The following PHACTR1 variants were observed in gnomAD, a reference collection of about 807,000 sequenced individuals.
PHACTR1 encodes the protein RPEL repeat containing 1.
Under a neutral mutation model 69.2 loss-of-function variants are expected in PHACTR1, and 16 were observed. The ratio of observed to expected loss-of-function variants is 0.23; its 90% CI spans 0.16 to 0.35. The LOEUF (loss-of-function observed/expected upper bound fraction) is 0.35, where lower values mean the gene tolerates loss of function less well. Ranked by LOEUF, PHACTR1 falls within the 10% of genes least tolerant of loss-of-function variation. PHACTR1 has a pLI of 1.00. For synonymous variants in PHACTR1, 312 were observed against 284.5 expected (o/e 1.10, Z -0.97); for missense variants, 510 against 734.7 (o/e 0.69, Z 3.54).
rs115687747 is a variant in PHACTR1 at position 13,220,461 on chromosome 6, C to T, written c.987-7355C>T. 4.6e-3 allele frequency among the ~76,000 whole-genome samples: 705 copies of T among 152,250 alleles called. 6 individuals carry two copies. The highest frequency in any genetic ancestry group is 0.016 in the African/African-American group (660 of 41,528). On this transcript the variant is annotated intron_variant, in intron 8 of 14. Coordinates refer to ENST00000332995, the MANE Select transcript of PHACTR1 (RefSeq NM_030948.6). ...ATATAGATCTCATCAAGCTTAATGA[C>T]GTCACCTTACAAAGCAGCCTAACTT...
At chr6:13,123,619 G>A (rs1184843077) in intron 5 of PHACTR1, among the ~76,000 whole-genome samples, 1 of 152,112 alleles carries the variant, frequency 6.6e-6, no homozygotes, top group Non-Finnish European at 1.5e-5. Context: ...AGGGTGGAGG[G>A]GTATAGTTGG....
chr6:12,820,889 C>G (rs893661621), intron 4 of PHACTR1, among the ~76,000 whole-genome samples: 69 of 152,266 alleles, frequency 4.5e-4, no homozygotes, highest in African/African-American at 1.5e-3. Flanking sequence ...ACCGAGCCCT[C>G]CAGGAAAGGA....
chr6:12,977,658 A>G (rs1795057886), intron 4 of PHACTR1, among the ~76,000 whole-genome samples: 2 of 152,238 alleles, frequency 1.3e-5, no homozygotes, highest in South Asian at 2.1e-4. Flanking sequence ...AAGTTAAATG[A>G]ACATGCCACT....
chr6:12,922,599 C>T (rs1401123548), intron 4 of PHACTR1, among the ~76,000 whole-genome samples: 2 of 152,200 alleles, frequency 1.3e-5, no homozygotes, highest in African/African-American at 4.8e-5. Context: ...ACATATATCT[C>T]CTAGCTGATT....
intron 10 of PHACTR1, among the ~76,000 whole-genome samples, chr6:13,257,108 G>T (rs1458872740): frequency 6.6e-6 from 1 of 152,152 alleles, no homozygotes; most frequent in Non-Finnish European, 1.5e-5. Flanking sequence ...CTGCTTCTGG[G>T]GAGTCCTCAG....
intron 5 of PHACTR1, among the ~76,000 whole-genome samples, chr6:13,140,001 AC>A (rs1315909748): frequency 6.6e-6 from 1 of 152,198 alleles, no homozygotes; most frequent in Non-Finnish European, 1.5e-5. Flanking sequence ...AGAAAGGGCA[AC>A]TTTTAAAAGT....
rs181933707 is a variant in PHACTR1 at position 13,151,201 on chromosome 6, A to G, written c.416-9003A>G. On this transcript the variant is annotated intron_variant, in intron 5 of 14. Transcript: ENST00000332995. ...ATTGCTTTTCCCCCTTCAACTTTCT[A>G]TTCCCTTCAGAATGTAATTTAAAGG... Among the ~76,000 whole-genome samples, 225 of 152,346 alleles carry G rather than the reference A, an allele frequency of 1.5e-3. 3 individuals are homozygous for G. Among genetic ancestry groups the G allele is most frequent in the East Asian group, 1.7e-3 (9 of 5,182 alleles).
At chr6:12,829,964 AAGAGAGAGAG>A (rs149861206) in intron 4 of PHACTR1, among the ~76,000 whole-genome samples, 32 of 99,944 alleles carry the variant, frequency 3.2e-4, no homozygotes, top group African/African-American at 1.3e-3. Context: ...TCAAGAAAGA[AAGAGAGAGAG>A]AGAGAGAGAG....
chr6:12,900,125 C>G (rs1253609737), intron 4 of PHACTR1, among the ~76,000 whole-genome samples: 1 of 152,218 alleles, frequency 6.6e-6, no homozygotes. Flanking sequence ...GCCTTCTGGT[C>G]TCCTTGCTTC....
intron 4 of PHACTR1, among the ~76,000 whole-genome samples, chr6:12,821,482 AAAG>A (rs1171507944): frequency 6.0e-4 from 36 of 59,776 alleles, no homozygotes; most frequent in Middle Eastern, 9.1e-3. Flanking sequence ...AAAAAAAAAA[AAAG>A]AGAGAGAGAG....
rs1399763871 is a variant in PHACTR1, at chr6:13,182,580, C to T, written c.558C>T (p.Ser186=). The change falls in exon 7 of 15, where the codon TCC becomes TCT. Residue 186 remains serine, a synonymous_variant. Transcript: ENST00000332995. ...DSLENGQSLS[S]SQLSLPALSE... ...TAGAAAATGGGCAGTCCCTGAGCTCCAGCCAGCTGTCTCTGCCTGCCCTGT... is the reference window on the plus strand; with the variant it reads ...TAGAAAATGGGCAGTCCCTGAGCTCTAGCCAGCTGTCTCTGCCTGCCCTGT... 1.2e-6 allele frequency: 2 copies of T among 1,613,782 alleles called. No homozygotes were observed. Among genetic ancestry groups the T allele is most frequent in the Non-Finnish European group, 1.7e-6 (2 of 1,179,766 alleles).
At chr6:13,199,565 C>T (rs1764921904) in intron 7 of PHACTR1, among the ~76,000 whole-genome samples, 1 of 151,888 alleles carries the variant, frequency 6.6e-6, no homozygotes, top group Admixed American at 6.6e-5. Flanking sequence ...TTACAGAGTG[C>T]ACATAGGGTA....
At chr6:12,975,722 T>C (rs1001011022) in intron 4 of PHACTR1, among the ~76,000 whole-genome samples, 34 of 152,232 alleles carry the variant, frequency 2.2e-4, no homozygotes, top group African/African-American at 7.9e-4. Flanking sequence ...GCTGGGACTA[T>C]AAGAACACAC....
rs58847683 is a variant in PHACTR1, at chr6:13,284,517, C to CAAAAAAA, written c.1650+976_1650+982dup. On this transcript the variant is annotated intron_variant, in intron 13 of 14. Coordinates refer to ENST00000332995, the MANE Select transcript of PHACTR1 (RefSeq NM_030948.6). ...GGATGACAACAGTGAAACTCCATCT[C>CAAAAAAA]AAAAAAAAAAAAAAAAAAAAAAAAA... Among the ~76,000 whole-genome samples the CAAAAAAA allele has an allele frequency of 8.0e-4, 32 of 40,026 alleles. 2 individuals are homozygous for CAAAAAAA. Among genetic ancestry groups the CAAAAAAA allele is most frequent in the African/African-American group, 1.2e-3 (7 of 5,756 alleles). 26.3% of individuals were successfully genotyped at this position (40,026 alleles called of 152,430 possible). A position where few individuals can be genotyped will look rare whatever the true frequency, so the allele number is the denominator to read the frequency against.
At chr6:13,109,725 T>G (rs190428148) in intron 5 of PHACTR1, among the ~76,000 whole-genome samples, 48 of 152,234 alleles carry the variant, frequency 3.2e-4, no homozygotes, top group African/African-American at 1.1e-3. Flanking sequence ...TTACAAAAGT[T>G]TTCTGTTCCT....
chr6:13,129,082 CT>C (rs1336614875), intron 5 of PHACTR1, among the ~76,000 whole-genome samples: 3 of 152,024 alleles, frequency 2.0e-5, no homozygotes, highest in Admixed American at 1.3e-4. Context: ...GAGATAAAGC[CT>C]TTTTTCAGAC....
chr6:13,272,665 G>GACGC (rs1777998416), intron 10 of PHACTR1, 195 bp from the exon 11 acceptor site: 1 of 1,479,394 alleles, frequency 6.8e-7, no homozygotes, highest in African/African-American at 1.4e-5. Context: ...GCTGTGACAT[G>GACGC]ACGCACGTGC....
chr6:13,279,221 A>G (rs1295946165), intron 12 of PHACTR1: 1 of 152,226 alleles, frequency 6.6e-6, no homozygotes, highest in Non-Finnish European at 1.5e-5. Flanking sequence ...TTGGCAATGC[A>G]CTGTAGCCTC....
At chr6:13,161,942 G>C (rs1441777348) in intron 6 of PHACTR1, among the ~76,000 whole-genome samples, 2 of 152,170 alleles carry the variant, frequency 1.3e-5, no homozygotes, top group Non-Finnish European at 2.9e-5. Flanking sequence ...CAAGCCCTAT[G>C]GTAAGCCAGC....
Sources: allele counts gnomAD v4.1 joint callset (sites outside exome capture counted in the v4.1 genomes callset), GRCh38; gene constraint gnomAD v4.1.1; transcripts MANE v1.5; gene names NCBI Gene and HGNC (gene_info 2026-07-23, HGNC 2026-07-21).